The following AGFG1 variants were observed in gnomAD, a reference collection of about 807,000 sequenced individuals.
AGFG1 encodes arf-GAP domain and FG repeat-containing protein 1.
In AGFG1, 10 loss-of-function variants were observed where a neutral mutation model predicts 60.6. The observed-to-expected ratio is 0.16, with a 90% CI of 0.10 to 0.28. AGFG1 has a LOEUF of 0.28. Ranked by LOEUF, AGFG1 falls within the 10% of genes least tolerant of loss-of-function variation. The pLI, the probability that AGFG1 is intolerant of heterozygous loss-of-function variation, is 1.00. For missense variants in AGFG1, 537 were observed against 676.5 expected (o/e 0.79, Z 2.29); for synonymous variants, 247 against 242.9 (o/e 1.02, Z -0.16).
intron 8 of AGFG1, among the ~76,000 whole-genome samples, 162 bp from the exon 9 acceptor site, chr2:227,536,463 G>T (rs570357120): frequency 6.6e-6 from 1 of 151,654 alleles, no homozygotes; most frequent in African/African-American, 2.4e-5. Context: ...AGTAACAATT[G>T]TTTATTTTAT....
At chr2:227,548,715 ATC>A (rs1463114169) in intron 10 of AGFG1, among the ~76,000 whole-genome samples, 3 of 152,182 alleles carry the variant, frequency 2.0e-5, no homozygotes, top group Non-Finnish European at 2.9e-5. Flanking sequence ...AGGCAGGCGG[ATC>A]ACGAGGTCAG....
intron 10 of AGFG1, among the ~76,000 whole-genome samples, chr2:227,544,732 G>A (rs906431380): frequency 6.6e-6 from 1 of 152,132 alleles, no homozygotes; most frequent in African/African-American, 2.4e-5. Context: ...AGTTTGGCTG[G>A]ATATGAAATT....
intron 2 of AGFG1, among the ~76,000 whole-genome samples, chr2:227,503,918 T>C (rs1416602005): frequency 6.6e-6 from 1 of 152,248 alleles, no homozygotes; most frequent in African/African-American, 2.4e-5. Flanking sequence ...TACTCTGGGT[T>C]ATTTCCTCAT....
At chr2:227,538,421 T>C (rs1692376782) in intron 10 of AGFG1, among the ~76,000 whole-genome samples, 1 of 152,332 alleles carries the variant, frequency 6.6e-6, no homozygotes, top group Admixed American at 6.5e-5. Context: ...TAGGGGGATG[T>C]TCAAACATTT....
At chr2:227,517,338 T>C (rs1691683517) in intron 2 of AGFG1, among the ~76,000 whole-genome samples, 1 of 152,218 alleles carries the variant, frequency 6.6e-6, no homozygotes. Flanking sequence ...CAATCTCGGC[T>C]CACTGCAACC....
intron 2 of AGFG1, among the ~76,000 whole-genome samples, chr2:227,493,170 T>C (rs1311392476): frequency 6.6e-6 from 1 of 152,132 alleles, no homozygotes; most frequent in East Asian, 1.9e-4. Flanking sequence ...TTTTTAATTG[T>C]GGTGGGAACA....
Position 227,554,506 on chromosome 2 carries a change from A to T in AGFG1, c.*11A>T. 6.2e-7 allele frequency: 1 copy of T among 1,609,692 alleles called. No individual in the cohort carries two copies. The highest frequency in any genetic ancestry group is 1.1e-5 in the South Asian group (1 of 90,150). On this transcript the variant is annotated 3_prime_UTR_variant, in exon 13 of 13. Coordinates refer to ENST00000310078, the MANE Select transcript of AGFG1 (RefSeq NM_004504.5). ...AATCCTTTCTTATAGCCTTATATAG[A>T]CAATTTACTGGAACGAACTTTTATG...
In AGFG1 at chr2:227,528,547, T is replaced by G. The variant is rs1232554839; in HGVS notation, c.695-2544T>G. On this transcript the variant is annotated intron_variant, in intron 5 of 12. Transcript: ENST00000310078. ...GGAGAGCCAATAAATAGAGTAAAACTTGTGTAATTTATGAATATATTCTGG... is the reference window on the plus strand; with the variant it reads ...GGAGAGCCAATAAATAGAGTAAAACGTGTGTAATTTATGAATATATTCTGG... Among the ~76,000 whole-genome samples the G allele has an allele frequency of 2.0e-5, 3 of 152,190 alleles. No homozygotes were observed. In the East Asian group the frequency reaches 5.8e-4, roughly 29 times the overall value.
chr2:227,499,508 C>T (rs1481085871), intron 2 of AGFG1, among the ~76,000 whole-genome samples: 2 of 151,924 alleles, frequency 1.3e-5, no homozygotes, highest in East Asian at 1.9e-4. Flanking sequence ...GGCGTGGTGG[C>T]GTGTGCCTGT....
At chr2:227,533,984 A>G (rs1451475997) in intron 7 of AGFG1, among the ~76,000 whole-genome samples, 1 of 152,152 alleles carries the variant, frequency 6.6e-6, no homozygotes, top group African/African-American at 2.4e-5. Flanking sequence ...CAGTCTTACT[A>G]GTTGAGAAAA....
At chr2:227,539,256 A>G (rs1692407073) in intron 10 of AGFG1, among the ~76,000 whole-genome samples, 1 of 152,142 alleles carries the variant, frequency 6.6e-6, no homozygotes. Flanking sequence ...CAGCCTGGCC[A>G]ACATGGTAAG....
At chr2:227,495,946 T>C (rs945091302) in intron 2 of AGFG1, among the ~76,000 whole-genome samples, 6 of 150,062 alleles carry the variant, frequency 4.0e-5, no homozygotes, top group Non-Finnish European at 7.4e-5. Context: ...CTACTAAAAA[T>C]ATATATATAT....
chr2:227,504,324 C>CT (rs1372837270), intron 2 of AGFG1, among the ~76,000 whole-genome samples: 1 of 152,008 alleles, frequency 6.6e-6, no homozygotes, highest in African/African-American at 2.4e-5. Flanking sequence ...TCCCAAGCAC[C>CT]TGGGACCACA....
At chr2:227,511,224 T>A (rs114571248) in intron 2 of AGFG1, among the ~76,000 whole-genome samples, 3 of 152,336 alleles carry the variant, frequency 2.0e-5, no homozygotes, top group Non-Finnish European at 2.9e-5. Flanking sequence ...TCATTCAGTT[T>A]ATGTATTGTT....
Position 227,472,384 on chromosome 2 carries a change from TC to T in AGFG1, c.-35del. The T allele has an allele frequency of 7.6e-7, 1 of 1,322,758 alleles. No homozygotes were observed. The highest frequency in any genetic ancestry group is 1.5e-5 in the South Asian group (1 of 65,332). 81.9% of individuals were successfully genotyped at this position (1,322,758 alleles called of 1,614,324 possible). A position where few individuals can be genotyped will look rare whatever the true frequency, so the allele number is the denominator to read the frequency against. ...GGCCCCCGGCGCAGCGCTGCCCGGC[TC>T]CCGGCCCTGCCGGCCTCCTCCCTTG... On this transcript the variant is annotated 5_prime_UTR_variant, in exon 1 of 13. Transcript: ENST00000310078.
At chr2:227,479,821 T>G (rs771578724) in intron 1 of AGFG1, among the ~76,000 whole-genome samples, 3 of 152,232 alleles carry the variant, frequency 2.0e-5, no homozygotes, top group African/African-American at 7.2e-5. Context: ...TTTACAACCT[T>G]ACACACGAGA....
chr2:227,477,536 A>G (rs1019736103), intron 1 of AGFG1, among the ~76,000 whole-genome samples: 4 of 152,182 alleles, frequency 2.6e-5, no homozygotes, highest in South Asian at 2.1e-4. Flanking sequence ...TGTGAATTCT[A>G]TATTTTGGGG....
rs749138070 is a variant in AGFG1 at position 227,553,765 on chromosome 2, A to G, written c.1599A>G (p.Ala533=). Residue 533 remains alanine, a synonymous_variant, in exon 12 of 13, where the codon GCA becomes GCG. Coordinates refer to ENST00000310078, the MANE Select transcript of AGFG1 (RefSeq NM_004504.5). ...TAGTAACCCCTTTTGGTCAAGTTGC[A>G]GCTGCTGGAGTATCTAGTAATCCTT... is the stretch of plus-strand genomic sequence containing the variant. ...KPVVTPFGQV[A]AAGVSSNPFM... The G allele has an allele frequency of 1.9e-6, 3 of 1,613,868 alleles. No homozygotes were observed. In the South Asian group the frequency reaches 3.3e-5, roughly 18 times the overall value.
At chr2:227,502,005 C>CG (rs1472656791) in intron 2 of AGFG1, among the ~76,000 whole-genome samples, 2 of 151,976 alleles carry the variant, frequency 1.3e-5, no homozygotes, top group Non-Finnish European at 2.9e-5. Context: ...ACTACAGGTG[C>CG]GTGCCACCAT....
Sources: allele counts gnomAD v4.1 joint callset (sites outside exome capture counted in the v4.1 genomes callset), GRCh38; gene constraint gnomAD v4.1.1; transcripts MANE v1.5; gene names NCBI Gene and HGNC (gene_info 2026-07-23, HGNC 2026-07-21).